Variants in MAU2 observed in about 807,000 individuals in gnomAD.
The protein encoded by MAU2 is MAU2 chromatid cohesion factor homolog.
MAU2 carries 9 observed loss-of-function variants against 89.1 expected under a neutral mutation model. That is an observed-to-expected ratio of 0.10 (90% CI 0.06 to 0.18). MAU2 has a LOEUF of 0.18. MAU2 is among the 10% of genes least tolerant of loss of function. The probability of loss-of-function intolerance (pLI) is 1.00; values close to 1 mark genes in which losing one functional copy is unlikely to be tolerated. For synonymous variants in MAU2, 357 were observed against 343.4 expected (o/e 1.04, Z -0.44); for missense variants, 425 against 803.5 (o/e 0.53, Z 5.69).
Position 19,326,706 on chromosome 19 carries a change from A to ATATATGTG in MAU2, c.276+5576_276+5577insGTGTATAT, listed in dbSNP as rs2061508731. On this transcript the variant is annotated intron_variant, in intron 1 of 18. Transcript: ENST00000262815. ...CTCAAAAAAAAATATATATATGTAT[A>ATATATGTG]TATATATATATATACATATATATAT... 3.4e-5 allele frequency among the ~76,000 whole-genome samples: 3 copies of ATATATGTG among 86,986 alleles called. 1 individual carries two copies. In the Admixed American group the frequency reaches 4.0e-4, roughly 12 times the overall value. The allele number at this position is 86,986 out of a possible 152,430, so 57.1% of individuals were successfully genotyped here.
intron 13 of MAU2, 92 bp from the exon 14 acceptor site, chr19:19,348,797 G>A: frequency 7.3e-7 from 1 of 1,360,742 alleles, no homozygotes; most frequent in Non-Finnish European, 1.1e-6. Flanking sequence ...CCCGACGGGG[G>A]TGTAGAGAAA....
rs115748899 is a variant in MAU2 at position 19,323,950 on chromosome 19, C to T, written c.276+2815C>T. ...AACCAGGTTACATGCCAAGATGATACATCATTATTGTTTTGGTGAAGTTTT... is the reference window on the plus strand; with the variant it reads ...AACCAGGTTACATGCCAAGATGATATATCATTATTGTTTTGGTGAAGTTTT... On this transcript the variant is annotated intron_variant, in intron 1 of 18. Coordinates refer to ENST00000262815, the MANE Select transcript of MAU2 (RefSeq NM_015329.4). Among the ~76,000 whole-genome samples the T allele has an allele frequency of 9.7e-3, 1,475 of 152,318 alleles. 29 individuals carry two copies. The highest frequency in any genetic ancestry group is 0.033 in the African/African-American group (1,372 of 41,566).
At chr19:19,325,167 C>T (rs1349501047) in intron 1 of MAU2, among the ~76,000 whole-genome samples, 4 of 151,902 alleles carry the variant, frequency 2.6e-5, no homozygotes, top group Non-Finnish European at 5.9e-5. Context: ...TTTATTGTTA[C>T]TTTTATTTTA....
intron 18 of MAU2, 99 bp from the exon 19 acceptor site, chr19:19,355,609 C>T: frequency 1.6e-6 from 2 of 1,258,664 alleles, no homozygotes; most frequent in Non-Finnish European, 2.2e-6. Context: ...AGAACAGAGT[C>T]CCGGCTGTGT....
intron 7 of MAU2, 139 bp from the exon 8 acceptor site, chr19:19,342,396 G>T (rs2061657470): frequency 9.5e-7 from 1 of 1,052,958 alleles, no homozygotes; most frequent in Non-Finnish European, 1.3e-6. Context: ...CGGCAGGGGC[G>T]GCTTCATCTT....
intron 16 of MAU2, among the ~76,000 whole-genome samples, chr19:19,351,450 A>C (rs2061743561): frequency 6.6e-6 from 1 of 151,648 alleles, no homozygotes; most frequent in South Asian, 2.1e-4. Flanking sequence ...TGGAAGGATC[A>C]TTTGAGCGCA....
chr19:19,322,250 G>A (rs1441544657), intron 1 of MAU2, among the ~76,000 whole-genome samples: 9 of 152,172 alleles, frequency 5.9e-5, no homozygotes, highest in South Asian at 4.1e-4. Flanking sequence ...TGCCCACCTC[G>A]GCCTCCCACA....
intron 14 of MAU2, 104 bp downstream of exon 14, chr19:19,349,042 C>T (rs62135555): frequency 1.3e-6 from 2 of 1,557,332 alleles, no homozygotes; most frequent in East Asian, 4.5e-5. Context: ...TACCCCTCCT[C>T]ACAGACAGTC....
At chr19:19,338,149 G>A (rs908365200) in intron 4 of MAU2, among the ~76,000 whole-genome samples, 5 of 152,210 alleles carry the variant, frequency 3.3e-5, no homozygotes, top group South Asian at 2.1e-4. Flanking sequence ...AGAAAAGTAC[G>A]CACAGGGAAG....
chr19:19,349,121 C>T (rs1568665910), intron 14 of MAU2, 34 bp from the exon 15 acceptor site: 2 of 1,612,348 alleles, frequency 1.2e-6, no homozygotes, highest in East Asian at 2.2e-5. Flanking sequence ...TTCTCAAAAT[C>T]ACCACCCCAT....
chr19:19,337,287 C>T (rs767925883), intron 4 of MAU2, 22 bp downstream of exon 4: 15 of 1,593,046 alleles, frequency 9.4e-6, no homozygotes, highest in East Asian at 4.5e-5. Flanking sequence ...GGCCCGGGAA[C>T]GAGGGTGCCC....
chr19:19,344,980 A>G, intron 11 of MAU2, 54 bp downstream of exon 11: 1 of 1,518,120 alleles, frequency 6.6e-7, no homozygotes, highest in Admixed American at 1.7e-5. Context: ...CTCAGTAAGT[A>G]AGTACCTAAC....
chr19:19,328,040 G>A (rs537511035), intron 1 of MAU2, among the ~76,000 whole-genome samples: 1 of 151,854 alleles, frequency 6.6e-6, no homozygotes, highest in Non-Finnish European at 1.5e-5. Context: ...CACATCTGTA[G>A]TCCTAGCTAC....
Position 19,321,413 on chromosome 19 carries a change from G to A in MAU2, c.276+278G>A, listed in dbSNP as rs11880881. The A allele has an allele frequency of 8.2e-3, 3,310 of 403,006 alleles. 107 individuals are homozygous for A. Among genetic ancestry groups the A allele is most frequent in the African/African-American group, 0.063 (2,964 of 47,350 alleles). The allele number at this position is 403,006 out of a possible 1,614,324, so 25.0% of individuals were successfully genotyped here. A position where few individuals can be genotyped will look rare whatever the true frequency, so the allele number is the denominator to read the frequency against. On this transcript the variant is annotated intron_variant, in intron 1 of 18. Coordinates refer to ENST00000262815, the MANE Select transcript of MAU2 (RefSeq NM_015329.4). Reference sequence around the variant, plus strand: ...CTCTGAAAGTTGCCTGTTATTGGGAGCAACAGGATCCGCAAATCGTCTGGT... The same window carrying A: ...CTCTGAAAGTTGCCTGTTATTGGGAACAACAGGATCCGCAAATCGTCTGGT...
intron 1 of MAU2, among the ~76,000 whole-genome samples, chr19:19,323,830 AG>A (rs1443069134): frequency 3.9e-5 from 6 of 152,258 alleles, no homozygotes; most frequent in Non-Finnish European, 8.8e-5. Context: ...TTGTTTCAAA[AG>A]GGAGGCATTA....
intron 14 of MAU2, 31 bp downstream of exon 14, chr19:19,348,969 G>C: frequency 6.2e-7 from 1 of 1,609,532 alleles, no homozygotes; most frequent in South Asian, 1.1e-5. Context: ...CTCCACGCAC[G>C]GCCTAGGCTC....
chr19:19,335,749 GT>G lies in MAU2; in HGVS notation c.294+16del. 1 of 1,613,554 alleles carries G rather than the reference GT, an allele frequency of 6.2e-7. No individual in the cohort carries two copies. Among genetic ancestry groups the G allele is most frequent in the Non-Finnish European group, 8.5e-7 (1 of 1,179,490 alleles). On this transcript the variant is annotated intron_variant, in intron 2 of 18. Coordinates refer to ENST00000262815, the MANE Select transcript of MAU2 (RefSeq NM_015329.4). The stretch of plus-strand genomic sequence containing the variant: ...ATATCACAGCAAGTATCCTTTCCGT[GT>G]TGGTATGGTTCCCTTTAAGGAATTC...
chr19:19,337,931 C>T lies in MAU2; in HGVS notation c.456+666C>T, dbSNP rs1046977832. Among the ~76,000 whole-genome samples the T allele has an allele frequency of 2.6e-5, 4 of 152,208 alleles. No homozygotes were observed. The East Asian group carries it at 7.7e-4, about 29-fold the overall frequency. Reference sequence around the variant, plus strand: ...GTGGAGGGGCCGGCAGGCTCCACCACGTGGGGCACCTCTCCTGTCCTGGGC... The same window carrying T: ...GTGGAGGGGCCGGCAGGCTCCACCATGTGGGGCACCTCTCCTGTCCTGGGC... On this transcript the variant is annotated intron_variant, in intron 4 of 18. Coordinates refer to ENST00000262815, the MANE Select transcript of MAU2 (RefSeq NM_015329.4).
intron 1 of MAU2, among the ~76,000 whole-genome samples, chr19:19,324,988 A>AT (rs1200000662): frequency 1.3e-5 from 2 of 152,116 alleles, no homozygotes; most frequent in African/African-American, 4.8e-5. Context: ...GCTACTTAAT[A>AT]AAGAATCGTA....
Sources: gnomAD v4.1 joint callset for allele counts (sites outside exome capture counted in the v4.1 genomes callset) on GRCh38, gnomAD v4.1.1 for gene constraint, MANE v1.5 for transcripts, NCBI Gene and HGNC (gene_info 2026-07-23, HGNC 2026-07-21) for gene names.